The following HELZ variants were observed in gnomAD, a reference collection of about 807,000 sequenced individuals.
HELZ encodes the protein ATP-dependent RNA helicase with zinc finger domain.
Under a neutral mutation model 218.2 loss-of-function variants are expected in HELZ, and 23 were observed. The ratio of observed to expected loss-of-function variants is 0.11; its 90% CI spans 0.08 to 0.15. The LOEUF (loss-of-function observed/expected upper bound fraction) is 0.15. Ranked by LOEUF, HELZ falls within the 10% of genes least tolerant of loss-of-function variation. HELZ has a pLI of 1.00. For synonymous variants in HELZ, 814 were observed against 829.4 expected, an observed-to-expected ratio of 0.98 and a Z score of 0.32; for missense variants, 1,813 against 2,353.7, an observed-to-expected ratio of 0.77 and a Z score of 4.75.
rs1382911161 is a variant in HELZ at position 67,122,896 on chromosome 17, A to C, written c.3630+74T>G. 5 of 1,101,212 alleles carry C rather than the reference A, an allele frequency of 4.5e-6. No homozygotes were observed. The East Asian group carries it at 1.2e-4, about 27-fold the overall frequency. The allele number at this position is 1,101,212 out of a possible 1,614,324, so 68.2% of individuals were successfully genotyped here. ...TTAAAAAAGAAGTTGGTAGAATGCTATTTGGGATTAGAACCATTTTAGTGA... is the reference window on the plus strand; with the variant it reads ...TTAAAAAAGAAGTTGGTAGAATGCTCTTTGGGATTAGAACCATTTTAGTGA... On this transcript the variant is annotated intron_variant, in intron 26 of 32. Coordinates refer to ENST00000358691, the MANE Select transcript of HELZ (RefSeq NM_014877.4).
rs756732431 is a variant in HELZ, at chr17:67,135,985, G to T, written c.3167C>A (p.Ser1056Tyr). The stretch of plus-strand genomic sequence containing the variant: ...ACATAATTACCTGCATCTTCCAATA[G>T]AGCACAGAGCAATGGGATCACCCAC... ...AVVGDPIALC[S>Y]IGRCRKFWER... Residue 1056 changes from serine (S) to tyrosine (Y), a missense_variant, in exon 23 of 33, where the codon TCT becomes TAT. Coordinates refer to ENST00000358691, the MANE Select transcript of HELZ (RefSeq NM_014877.4). 5.0e-6 allele frequency: 8 copies of T among 1,612,754 alleles called. No individual in the cohort carries two copies. The highest frequency in any genetic ancestry group is 6.8e-6 in the Non-Finnish European group (8 of 1,179,276).
rs2038666389 is a variant in HELZ at position 67,151,027 on chromosome 17, G to A, written c.2356+19C>T. The A allele has an allele frequency of 6.2e-7, 1 of 1,609,040 alleles. No individual in the cohort carries two copies. The highest frequency in any genetic ancestry group is 8.5e-7 in the Non-Finnish European group (1 of 1,176,170). On this transcript the variant is annotated intron_variant, in intron 18 of 32. Transcript: ENST00000358691. Reference sequence around the variant, plus strand: ...TCATAAGCCCTAAACTTGTGAGACTGTGTCTTGAGTCAGCATACCAGGTTC... The same window carrying A: ...TCATAAGCCCTAAACTTGTGAGACTATGTCTTGAGTCAGCATACCAGGTTC...
chr17:67,203,566 T>A (rs942877047), intron 5 of HELZ, 123 bp from the exon 6 acceptor site: 7 of 1,095,912 alleles, frequency 6.4e-6, no homozygotes, highest in South Asian at 5.0e-5. Flanking sequence ...CTTCAAATAC[T>A]CTAGAGGGAA....
intron 9 of HELZ, among the ~76,000 whole-genome samples, chr17:67,191,648 T>A (rs2039898990): frequency 6.6e-6 from 1 of 151,462 alleles, no homozygotes; most frequent in Non-Finnish European, 1.5e-5. Context: ...AGAGATGGGG[T>A]TGCATGTTGG....
intron 1 of HELZ, among the ~76,000 whole-genome samples, chr17:67,244,335 A>C (rs1278119221): frequency 2.6e-5 from 4 of 152,154 alleles, no homozygotes; most frequent in Non-Finnish European, 5.9e-5. Context: ...AAACCTGAGG[A>C]TCCCGATCCA....
intron 5 of HELZ, among the ~76,000 whole-genome samples, chr17:67,207,411 GTCTT>G (rs1053563170): frequency 6.7e-6 from 1 of 149,848 alleles, no homozygotes; most frequent in African/African-American, 2.5e-5. Context: ...GTAGAGACAG[GTCTT>G]CACCATGTTG....
At chr17:67,079,697 A>G (rs543717901) in intron 32 of HELZ, among the ~76,000 whole-genome samples, 7 of 152,338 alleles carry the variant, frequency 4.6e-5, no homozygotes, top group Middle Eastern at 3.4e-3. Flanking sequence ...GCCTTACCCA[A>G]TCACAGCACT....
chr17:67,172,575 C>T (rs546026533), intron 13 of HELZ, among the ~76,000 whole-genome samples: 3 of 152,082 alleles, frequency 2.0e-5, no homozygotes, highest in Non-Finnish European at 4.4e-5. Flanking sequence ...TATTTCTCAA[C>T]TATCTTGGGC....
intron 23 of HELZ, among the ~76,000 whole-genome samples, chr17:67,130,346 A>T (rs1598286359): frequency 6.6e-6 from 1 of 151,966 alleles, no homozygotes; most frequent in Non-Finnish European, 1.5e-5. Context: ...GAATTTTAAT[A>T]AAAAAAATTA....
chr17:67,226,258 AAAAAAAAAAAAAAGAAAAAAGG>A (rs1268179824), intron 3 of HELZ, among the ~76,000 whole-genome samples: 1 of 121,552 alleles, frequency 8.2e-6, no homozygotes, highest in African/African-American at 4.6e-5. Flanking sequence ...ACTCCATCTC[AAAAAAAAAAAAAAGAAAAAAGG>A]AAAAAAAAAA....
At chr17:67,223,091 C>A (rs991129900) in intron 3 of HELZ, among the ~76,000 whole-genome samples, 440 of 94,702 alleles carry the variant, frequency 4.6e-3, no homozygotes, top group Middle Eastern at 6.3e-3. Context: ...ACTAAAAATA[C>A]AAAAAAAAAA....
At chr17:67,144,887 A>T (rs2038445628) in intron 21 of HELZ, among the ~76,000 whole-genome samples, 1 of 152,204 alleles carries the variant, frequency 6.6e-6, no homozygotes, top group Non-Finnish European at 1.5e-5. Flanking sequence ...GCACAGACTA[A>T]CCAAAATGTC....
At chr17:67,178,192 C>T (rs1334307714) in intron 13 of HELZ, among the ~76,000 whole-genome samples, 4 of 152,136 alleles carry the variant, frequency 2.6e-5, no homozygotes, top group South Asian at 2.1e-4. Context: ...AATATGTTAA[C>T]GTATTTATAA....
At position 67,108,597 on chromosome 17, in the gene HELZ, A is replaced by C. The variant is rs1183843609; in HGVS notation, c.4619T>G (p.Leu1540Arg). ...APYPHHHHPH[L>R]QHLPQPPLGL... is the part of the protein sequence containing the mutation. ...CAGGGGCGGCTGAGGAAGATGCTGGAGGTGAGGATGGTGATGGTGTGGGTA... is the reference window on the plus strand; with the variant it reads ...CAGGGGCGGCTGAGGAAGATGCTGGCGGTGAGGATGGTGATGGTGTGGGTA... Residue 1540 changes from leucine (L) to arginine (R), a missense_variant, in exon 30 of 33, where the codon CTC becomes CGC. Transcript: ENST00000358691. The surrounding 1 kb of genome is among the most constrained non-coding windows in gnomAD (Gnocchi z 4.1). The C allele has an allele frequency of 6.2e-7, 1 of 1,613,854 alleles. No individual in the cohort carries two copies. Among genetic ancestry groups the C allele is most frequent in the Non-Finnish European group, 8.5e-7 (1 of 1,179,978 alleles).
intron 2 of HELZ, among the ~76,000 whole-genome samples, chr17:67,242,951 A>C (rs911143752): frequency 2.0e-5 from 3 of 152,144 alleles, no homozygotes; most frequent in South Asian, 2.1e-4. Flanking sequence ...GAAACAACAA[A>C]AAAAAAACTA....
At chr17:67,214,259 C>CTTTTTTTTTT (rs777420102) in intron 5 of HELZ, among the ~76,000 whole-genome samples, 3 of 87,742 alleles carry the variant, frequency 3.4e-5, no homozygotes, top group Non-Finnish European at 6.2e-5. Flanking sequence ...ATTAATATTT[C>CTTTTTTTTTT]TTTTTTTTTT....
At chr17:67,117,572 C>CA (rs2037465629) in intron 27 of HELZ, among the ~76,000 whole-genome samples, 1 of 142,780 alleles carries the variant, frequency 7.0e-6, no homozygotes, top group Non-Finnish European at 1.5e-5. Flanking sequence ...TTTTTTGAGA[C>CA]AGAGTCTTGC....
intron 3 of HELZ, among the ~76,000 whole-genome samples, chr17:67,232,297 C>A (rs914197259): frequency 2.6e-5 from 4 of 151,968 alleles, no homozygotes; most frequent in African/African-American, 7.2e-5. Context: ...GCACACACCA[C>A]CATAACCGGC....
chr17:67,158,912 C>T (rs1442350025), intron 17 of HELZ, among the ~76,000 whole-genome samples: 1 of 152,168 alleles, frequency 6.6e-6, no homozygotes, highest in African/African-American at 2.4e-5. Context: ...CCCCAAGTGT[C>T]AAATGACCTA....
Sources: allele counts gnomAD v4.1 joint callset (sites outside exome capture counted in the v4.1 genomes callset), GRCh38; gene constraint gnomAD v4.1.1; non-coding constraint Gnocchi (gnomAD v3.1); transcripts MANE v1.5; gene names NCBI Gene and HGNC (gene_info 2026-07-23, HGNC 2026-07-21).